Variants in YEATS2 observed in about 807,000 individuals in gnomAD.
The protein encoded by YEATS2 is YEATS domain containing 2.
In YEATS2, 77 loss-of-function variants were observed where a neutral mutation model predicts 163.2. That is an observed-to-expected ratio of 0.47 (90% confidence interval 0.39 to 0.57). The LOEUF is 0.57. Among genes scored for constraint, YEATS2 ranks in the 20% least tolerant of loss-of-function variants. The pLI is 0.00. For synonymous variants in YEATS2, 631 were observed against 645.1 expected, an observed-to-expected ratio of 0.98 and a Z score of 0.33; for missense variants, 1,549 against 1,729.8, an observed-to-expected ratio of 0.90 and a Z score of 1.85.
chr3:183,778,908 T>C (rs1723278130), intron 19 of YEATS2, among the ~76,000 whole-genome samples: 1 of 152,140 alleles, frequency 6.6e-6, no homozygotes, highest in African/African-American at 2.4e-5. Context: ...ACAGTTTCAG[T>C]TTATTTACTA....
At chr3:183,713,869 G>A (rs1277770122) in intron 1 of YEATS2, among the ~76,000 whole-genome samples, 5 of 152,226 alleles carry the variant, frequency 3.3e-5, no homozygotes, top group Admixed American at 6.5e-5. Context: ...GCAGTGGCAC[G>A]ATCTCGGCTC....
At chr3:183,710,113 A>G (rs534291105) in intron 1 of YEATS2, among the ~76,000 whole-genome samples, 1 of 152,328 alleles carries the variant, frequency 6.6e-6, no homozygotes, top group Non-Finnish European at 1.5e-5. Flanking sequence ...ATTGTATATG[A>G]TAACAGATTT....
Position 183,804,003 on chromosome 3 carries a change from C to T in YEATS2, c.3599C>T (p.Thr1200Ile), listed in dbSNP as rs771233949. The change falls in exon 27 of 31, where the codon ACA (threonine) becomes ATA (isoleucine). Residue 1200 changes from threonine (T) to isoleucine (I), a missense_variant. Coordinates refer to ENST00000305135, the MANE Select transcript of YEATS2 (RefSeq NM_018023.5). ...RRAAEWQRAM[T>I]MRKVLQEILE... ...TTTTTTAAGTGGCAAAGAGCAATGACAATGCGAAAAGTCTTACAAGAAATC... is the reference window on the plus strand; with the variant it reads ...TTTTTTAAGTGGCAAAGAGCAATGATAATGCGAAAAGTCTTACAAGAAATC... 1.9e-6 allele frequency: 3 copies of T among 1,613,890 alleles called. No homozygotes were observed. Among genetic ancestry groups the T allele is most frequent in the East Asian group, 2.2e-5 (1 of 44,874 alleles).
chr3:183,749,256 T>C (rs1719901577), intron 9 of YEATS2, among the ~76,000 whole-genome samples: 1 of 152,234 alleles, frequency 6.6e-6, no homozygotes, highest in South Asian at 2.1e-4. Context: ...TCATATATTT[T>C]TTAAAAATTG....
At chr3:183,725,586 A>C (rs554697226) in intron 6 of YEATS2, among the ~76,000 whole-genome samples, 1 of 152,328 alleles carries the variant, frequency 6.6e-6, no homozygotes. Flanking sequence ...TGTGTAGGAG[A>C]ACTACCCCTT....
chr3:183,786,043 C>T lies in YEATS2; in HGVS notation c.2737-82C>T, dbSNP rs139803674. On this transcript the variant is annotated intron_variant, in intron 19 of 30. Transcript: ENST00000305135. The stretch of plus-strand genomic sequence containing the variant: ...CTTGGTTATTCTCCAAGTCATGGGG[C>T]GTATCTCAGCTGTCAGTAAGGAATG... 606 of 1,460,542 alleles carry T rather than the reference C, an allele frequency of 4.1e-4. 5 individuals are homozygous for T. The South Asian group carries it at 6.1e-3, about 15-fold the overall frequency. The allele number at this position is 1,460,542 out of a possible 1,614,324, so 90.5% of individuals were successfully genotyped here.
intron 1 of YEATS2, among the ~76,000 whole-genome samples, chr3:183,707,472 TG>T (rs897856267): frequency 1.3e-4 from 20 of 152,312 alleles, no homozygotes; most frequent in African/African-American, 4.6e-4. Context: ...GAAATGTCAT[TG>T]GCTAATGGAA....
chr3:183,700,505 C>T (rs893269122), intron 1 of YEATS2, among the ~76,000 whole-genome samples: 4 of 151,952 alleles, frequency 2.6e-5, no homozygotes, highest in East Asian at 1.9e-4. Context: ...TGTTTTCTGT[C>T]GTGATACCCA....
chr3:183,786,303 T>G lies in YEATS2; in HGVS notation c.2913+2T>G, dbSNP rs1724060225. 6.2e-7 allele frequency: 1 copy of G among 1,605,394 alleles called. No homozygotes were observed. The highest frequency in any genetic ancestry group is 1.1e-5 in the South Asian group (1 of 90,672). The stretch of plus-strand genomic sequence containing the variant: ...TCAGCAAACGGTCCTGCACAACAGG[T>G]GAGAAATAGCATGTCAGTAGAGAAT... On this transcript the variant is annotated splice_donor_variant, in intron 20 of 30. Coordinates refer to ENST00000305135, the MANE Select transcript of YEATS2 (RefSeq NM_018023.5). LOFTEE classifies it high-confidence loss of function.
rs148859289 is a variant in YEATS2 at position 183,766,542 on chromosome 3, T to C, written c.1947+4263T>C. 3.9e-3 allele frequency among the ~76,000 whole-genome samples: 601 copies of C among 152,258 alleles called. 5 individuals are homozygous for C. Among genetic ancestry groups the C allele is most frequent in the African/African-American group, 0.014 (568 of 41,548 alleles). Reference sequence around the variant, plus strand: ...AATCAAAGCATGAATCGAAGTTAAGTGTATAACAAATACAAAACAATGGGT... The same window carrying C: ...AATCAAAGCATGAATCGAAGTTAAGCGTATAACAAATACAAAACAATGGGT... On this transcript the variant is annotated intron_variant, in intron 15 of 30. Transcript: ENST00000305135.
intron 7 of YEATS2, among the ~76,000 whole-genome samples, chr3:183,733,183 C>G (rs1164570184): frequency 6.6e-6 from 1 of 152,212 alleles, no homozygotes; most frequent in Non-Finnish European, 1.5e-5. Context: ...TGGGCCATTC[C>G]ATTTGGAGGT....
At chr3:183,713,038 G>T (rs953491896) in intron 1 of YEATS2, among the ~76,000 whole-genome samples, 1 of 152,210 alleles carries the variant, frequency 6.6e-6, no homozygotes, top group African/African-American at 2.4e-5. Context: ...TGGGATTACA[G>T]GCGTGAGCCA....
Position 183,717,734 on chromosome 3 carries a change from G to C in YEATS2, c.184G>C (p.Glu62Gln), listed in dbSNP as rs1334754323. Reference protein sequence around the residue: ...LEMKNKEHEIEVIDQRLIEAR... With the variant: ...LEMKNKEHEIQVIDQRLIEAR... ...AATGAAGAATAAGGAACATGAAATT[G>C]AAGTCATTGACCAGGTATAATGATG... The change falls in exon 3 of 31, where the codon GAA (glutamate) becomes CAA (glutamine). Residue 62 changes from glutamate (E) to glutamine (Q), a missense_variant. Glu to Gln is a conservative substitution (Grantham distance 29). Coordinates refer to ENST00000305135, the MANE Select transcript of YEATS2 (RefSeq NM_018023.5). 7.7e-6 allele frequency: 12 copies of C among 1,549,872 alleles called. No individual in the cohort carries two copies. The highest frequency in any genetic ancestry group is 1.4e-5 in the African/African-American group (1 of 71,092).
intron 15 of YEATS2, among the ~76,000 whole-genome samples, chr3:183,765,213 T>G (rs535087788): frequency 1.3e-5 from 2 of 152,336 alleles, no homozygotes; most frequent in Admixed American, 6.5e-5. Flanking sequence ...TTGTCGTATA[T>G]GTACCTCAAA....
chr3:183,754,100 C>A, intron 10 of YEATS2, 26 bp from the exon 11 acceptor site: 1 of 1,512,128 alleles, frequency 6.6e-7, no homozygotes, highest in Non-Finnish European at 8.9e-7. Flanking sequence ...TGATGACTTG[C>A]CGTTTGCCTC....
At chr3:183,800,118 C>T (rs1725531450) in intron 23 of YEATS2, among the ~76,000 whole-genome samples, 3 of 152,200 alleles carry the variant, frequency 2.0e-5, no homozygotes, top group African/African-American at 4.8e-5. Context: ...AGGCGTGAGC[C>T]ACCGCGCCCG....
At chr3:183,743,805 C>T (rs1719224494) in intron 8 of YEATS2, among the ~76,000 whole-genome samples, 1 of 152,182 alleles carries the variant, frequency 6.6e-6, no homozygotes, top group African/African-American at 2.4e-5. Context: ...ATTGTTCCCA[C>T]TAATGGCTTC....
chr3:183,726,141 T>C (rs1717074361), intron 6 of YEATS2, among the ~76,000 whole-genome samples: 1 of 151,854 alleles, frequency 6.6e-6, no homozygotes, highest in Non-Finnish European at 1.5e-5. Flanking sequence ...GATTGGAGTC[T>C]CTGCGTTAGT....
intron 9 of YEATS2, among the ~76,000 whole-genome samples, chr3:183,748,588 C>G (rs1719818603): frequency 6.6e-6 from 1 of 151,676 alleles, no homozygotes; most frequent in Non-Finnish European, 1.5e-5. Context: ...TTTCTCTTCT[C>G]TTTTCTTCTT....
Sources: allele counts gnomAD v4.1 joint callset (sites outside exome capture counted in the v4.1 genomes callset), GRCh38; gene constraint gnomAD v4.1.1; transcripts MANE v1.5; gene names NCBI Gene and HGNC (gene_info 2026-07-23, HGNC 2026-07-21).